ADSS2: variants seen among roughly 807,000 people sequenced by gnomAD.
The protein encoded by ADSS2 is adenylosuccinate synthetase isozyme 2.
In ADSS2, 30 loss-of-function variants were observed where a neutral mutation model predicts 60.0. The ratio of observed to expected loss-of-function variants is 0.50; its 90% CI spans 0.37 to 0.68. ADSS2 has a LOEUF of 0.68. Among genes scored for constraint, ADSS2 ranks in the 30% least tolerant of loss-of-function variants. The probability of loss-of-function intolerance (pLI) is 0.00; values close to 1 mark genes in which losing one functional copy is unlikely to be tolerated. For missense variants in ADSS2, 373 were observed against 554.8 expected, an observed-to-expected ratio of 0.67 and a Z score of 3.29; for synonymous variants, 187 against 193.1, an observed-to-expected ratio of 0.97 and a Z score of 0.26.
rs372937265 is a variant in ADSS2, at chr1:244,410,373, G to A, written c.1319-735C>T. 9.9e-5 allele frequency among the ~76,000 whole-genome samples: 15 copies of A among 152,144 alleles called. 1 individual carries two copies. The South Asian group carries it at 2.9e-3, about 30-fold the overall frequency. On this transcript the variant is annotated intron_variant, in intron 12 of 12. Coordinates refer to ENST00000366535, the MANE Select transcript of ADSS2 (RefSeq NM_001126.5). The stretch of plus-strand genomic sequence containing the variant: ...AAATATCCATCAATGCCAACAAAAC[G>A]ATACAAGGAAAAAGCCATCTGTTAA...
At chr1:244,445,378 G>A (rs1176686641) in intron 1 of ADSS2, among the ~76,000 whole-genome samples, 2 of 152,260 alleles carry the variant, frequency 1.3e-5, no homozygotes, top group Non-Finnish European at 2.9e-5. Flanking sequence ...TGCTGTCAAG[G>A]ACAATACTTT....
intron 10 of ADSS2, among the ~76,000 whole-genome samples, chr1:244,417,065 C>T (rs184376989): frequency 2.0e-5 from 3 of 152,300 alleles, no homozygotes; most frequent in East Asian, 3.9e-4. Context: ...AACAACTTAA[C>T]TTTCCCTGAG....
chr1:244,441,215 T>C lies in ADSS2; in HGVS notation c.184-3447A>G, dbSNP rs181030127. ...CTGGGACTACAGGCGCCTGCCGCCA[T>C]GCCCGGCTAATTTTTTGTATTTTTA... is the stretch of plus-strand genomic sequence containing the variant. On this transcript the variant is annotated intron_variant, in intron 1 of 12. Transcript: ENST00000366535. Among the ~76,000 whole-genome samples the C allele has an allele frequency of 3.4e-3, 520 of 152,210 alleles. 2 individuals are homozygous for C. Among genetic ancestry groups the C allele is most frequent in the African/African-American group, 0.012 (479 of 41,544 alleles).
At chr1:244,449,306 T>C (rs1392485823) in intron 1 of ADSS2, among the ~76,000 whole-genome samples, 1 of 152,228 alleles carries the variant, frequency 6.6e-6, no homozygotes, top group African/African-American at 2.4e-5. Context: ...TACGGATACA[T>C]TATGTGTACA....
intron 12 of ADSS2, among the ~76,000 whole-genome samples, chr1:244,411,051 C>G (rs917017315): frequency 1.2e-4 from 19 of 152,006 alleles, no homozygotes; most frequent in Non-Finnish European, 8.8e-5. Flanking sequence ...GAAACCCCGT[C>G]TCTTACTAAA....
chr1:244,450,798 A>T (rs983011666), intron 1 of ADSS2, among the ~76,000 whole-genome samples: 2 of 152,226 alleles, frequency 1.3e-5, no homozygotes, highest in South Asian at 4.1e-4. Context: ...CTCCCGTTAG[A>T]AGTACATTAC....
intron 7 of ADSS2, among the ~76,000 whole-genome samples, chr1:244,422,418 C>T (rs1337932108): frequency 6.6e-6 from 1 of 152,194 alleles, no homozygotes; most frequent in African/African-American, 2.4e-5. Context: ...AAGAATCTGG[C>T]CCTATGGGGT....
Position 244,409,000 on chromosome 1 carries a change from A to G in ADSS2, c.*586T>C, listed in dbSNP as rs975817351. 1.3e-5 allele frequency: 2 copies of G among 152,636 alleles called. No individual in the cohort carries two copies. Among genetic ancestry groups the G allele is most frequent in the African/African-American group, 4.8e-5 (2 of 41,450 alleles). 9.5% of individuals were successfully genotyped at this position (152,636 alleles called of 1,614,324 possible). A position where few individuals can be genotyped will look rare whatever the true frequency, so the allele number is the denominator to read the frequency against. On this transcript the variant is annotated 3_prime_UTR_variant, in exon 13 of 13. Transcript: ENST00000366535. ...TCTGTACAAATTAAAGGTCCCATGA[A>G]TACATAACCCCCTCCCAGCCCCACC...
chr1:244,432,461 G>T, intron 4 of ADSS2, 84 bp downstream of exon 4: 1 of 1,024,888 alleles, frequency 9.8e-7, no homozygotes, highest in Non-Finnish European at 1.4e-6. Flanking sequence ...AAAAATAAAA[G>T]ACAAAATTAG....
intron 7 of ADSS2, among the ~76,000 whole-genome samples, 176 bp downstream of exon 7, chr1:244,422,659 C>G (rs1379155079): frequency 6.6e-6 from 1 of 152,204 alleles, no homozygotes; most frequent in Admixed American, 6.5e-5. Flanking sequence ...TCCTCCTGCT[C>G]CCTACTCAAT....
chr1:244,446,190 G>T (rs958828369), intron 1 of ADSS2, among the ~76,000 whole-genome samples: 2 of 152,186 alleles, frequency 1.3e-5, no homozygotes, highest in African/African-American at 4.8e-5. Context: ...GGTAAAGATT[G>T]TAAGATCTGT....
At chr1:244,422,771 G>T (rs956568473) in intron 7 of ADSS2, 64 bp downstream of exon 7, 2 of 1,264,142 alleles carry the variant, frequency 1.6e-6, no homozygotes, top group South Asian at 2.5e-5. Context: ...TGAATGAAAA[G>T]ATCTAGATGC....
intron 4 of ADSS2, among the ~76,000 whole-genome samples, chr1:244,429,064 T>C (rs1385295026): frequency 6.6e-6 from 1 of 152,224 alleles, no homozygotes; most frequent in African/African-American, 2.4e-5. Flanking sequence ...ACAGTACATC[T>C]TGACCAAGTA....
intron 4 of ADSS2, among the ~76,000 whole-genome samples, chr1:244,426,896 T>C (rs550680768): frequency 3.2e-4 from 49 of 152,334 alleles, no homozygotes; most frequent in Admixed American, 3.3e-4. Flanking sequence ...TCTATTGATA[T>C]GATTTGTTTT....
At chr1:244,417,503 G>T in intron 10 of ADSS2, 125 bp downstream of exon 10, 1 of 1,178,882 alleles carries the variant, frequency 8.5e-7, no homozygotes, top group South Asian at 1.5e-5. Context: ...CTTCTGCCTG[G>T]CACTACAATT....
chr1:244,446,536 T>G (rs1665388513), intron 1 of ADSS2, among the ~76,000 whole-genome samples: 1 of 152,210 alleles, frequency 6.6e-6, no homozygotes, highest in Admixed American at 6.5e-5. Flanking sequence ...TACCTTCTAG[T>G]TTCATACACA....
At chr1:244,426,713 G>A (rs1664811049) in intron 4 of ADSS2, among the ~76,000 whole-genome samples, 1 of 152,050 alleles carries the variant, frequency 6.6e-6, no homozygotes, top group South Asian at 2.1e-4. Context: ...ACATCTCCCT[G>A]AGGTCTTTAC....
Position 244,422,818 on chromosome 1 carries a change from A to G in ADSS2, c.663+17T>C. The G allele has an allele frequency of 1.3e-6, 2 of 1,551,122 alleles. No homozygotes were observed. Among genetic ancestry groups the G allele is most frequent in the Non-Finnish European group, 1.8e-6 (2 of 1,125,702 alleles). ...ACAAGTATTAAAAAGAACATTAAAG[A>G]TGCCAGAAAGCATTACCTTGAGTTT... On this transcript the variant is annotated intron_variant, in intron 7 of 12. Coordinates refer to ENST00000366535, the MANE Select transcript of ADSS2 (RefSeq NM_001126.5).
Position 244,409,597 on chromosome 1 carries a change from G to C in ADSS2, c.1360C>G (p.Gln454Glu). The C allele has an allele frequency of 6.2e-7, 1 of 1,608,954 alleles. No homozygotes were observed. The highest frequency in any genetic ancestry group is 1.7e-5 in the Admixed American group (1 of 59,792). The change falls in exon 13 of 13, where the codon CAA becomes GAA. Residue 454 changes from glutamine to glutamate, a missense_variant. Around this residue, in one of 5 missense-constraint regions of ADSS2, gnomAD observed 130 missense variants for 169.4 expected, o/e 0.77. Coordinates refer to ENST00000366535, the MANE Select transcript of ADSS2 (RefSeq NM_001126.5). The part of the protein sequence containing the change: ...GVGKSRESMI[Q>E]LF Reference sequence around the variant, plus strand: ...ATTACTGGCAATCATTAAAAGAGTTGAATCATAGATTCTCTGGATTTACCA... The same window carrying C: ...ATTACTGGCAATCATTAAAAGAGTTCAATCATAGATTCTCTGGATTTACCA...
Sources: allele counts gnomAD v4.1 joint callset (sites outside exome capture counted in the v4.1 genomes callset), GRCh38; gene constraint gnomAD v4.1.1; regional missense constraint gnomAD v4.1.1; transcripts MANE v1.5; gene names NCBI Gene and HGNC (gene_info 2026-07-23, HGNC 2026-07-21).